ACSM3: variants seen among roughly 807,000 people sequenced by gnomAD.
ACSM3 encodes acyl-coenzyme A synthetase ACSM3, mitochondrial.
Under a neutral mutation model 74.1 loss-of-function variants are expected in ACSM3, and 61 were observed. That is an observed-to-expected ratio of 0.82 (90% CI 0.67 to 1.02). The LOEUF (loss-of-function observed/expected upper bound fraction) is 1.02. ACSM3 is among the 50% of genes least tolerant of loss of function. The pLI is 0.00. For synonymous variants in ACSM3, 213 were observed against 241.5 expected (o/e 0.88, Z 1.09); for missense variants, 660 against 697.0 (o/e 0.95, Z 0.60).
At chr16:20,784,735 G>C (rs1411773338) in intron 7 of ACSM3, 1 of 199,320 alleles carries the variant, frequency 5.0e-6, no homozygotes, top group Non-Finnish European at 1.0e-5. Flanking sequence ...AGAAAAACTA[G>C]TATTTGGGGT....
At chr16:20,768,335 C>G (rs1464933400) in intron 1 of ACSM3, among the ~76,000 whole-genome samples, 2 of 152,160 alleles carry the variant, frequency 1.3e-5, no homozygotes, top group African/African-American at 4.8e-5. Context: ...TGTATTTAAC[C>G]ATCATGCCAT....
chr16:20,762,285 G>GT (rs972551320), upstream of ACSM3, among the ~76,000 whole-genome samples: 1 of 151,732 alleles, frequency 6.6e-6, no homozygotes, highest in African/African-American at 2.4e-5. Flanking sequence ...AAAAAACACT[G>GT]TTTTTTCCCT....
At chr16:20,778,693 C>A (rs1193287849) in intron 4 of ACSM3, among the ~76,000 whole-genome samples, 1 of 152,266 alleles carries the variant, frequency 6.6e-6, no homozygotes, top group Admixed American at 6.5e-5. Flanking sequence ...GTACAACAAC[C>A]CTTCCTCAGG....
In ACSM3 at chr16:20,741,672, A is replaced by G. The variant is rs887540204; in HGVS notation, c.-189-8238A>G. 10 of 1,584,732 alleles carry G rather than the reference A, an allele frequency of 6.3e-6. No individual in the cohort carries two copies. Among genetic ancestry groups the G allele is most frequent in the Admixed American group, 1.8e-5 (1 of 55,382 alleles). ...GCAGCGCCGAGCGCGCTTGGCCAGC[A>G]CATACTGAGCCTTGCCTTTGCGCTT... On this transcript the variant is annotated intron_variant, in intron 1 of 3. Coordinates refer to the ACSM3 transcript ENST00000561584.
chr16:20,728,392 T>C (rs1216031420), intron 1 of ACSM3: 6 of 1,434,340 alleles, frequency 4.2e-6, no homozygotes, highest in Non-Finnish European at 5.8e-6. Context: ...TTCTAGATTA[T>C]AGATGAAAAT....
intron 7 of ACSM3, among the ~76,000 whole-genome samples, 176 bp from the exon 8 acceptor site, chr16:20,784,808 G>A (rs1161692436): frequency 6.6e-6 from 1 of 152,026 alleles, no homozygotes; most frequent in African/African-American, 2.4e-5. Flanking sequence ...TTTTTAATTT[G>A]TGTAGGTACT....
intron 1 of ACSM3, among the ~76,000 whole-genome samples, chr16:20,732,541 G>A (rs1469830267): frequency 6.6e-6 from 1 of 152,010 alleles, no homozygotes; most frequent in Non-Finnish European, 1.5e-5. Flanking sequence ...CAATCTCCAG[G>A]GTCCAGCTCT....
chr16:20,758,844 G>A (rs1193401985), intron 3 of ACSM3, among the ~76,000 whole-genome samples: 1 of 151,712 alleles, frequency 6.6e-6, no homozygotes, highest in African/African-American at 2.4e-5. Flanking sequence ...TGTTCTCGTT[G>A]GTTTCAAAGA....
intron 1 of ACSM3, among the ~76,000 whole-genome samples, chr16:20,720,651 G>C (rs6497516): frequency 6.6e-6 from 1 of 150,488 alleles, no homozygotes; most frequent in African/African-American, 2.4e-5. Context: ...ACATAAGAAC[G>C]GAGATCTCCA....
intron 1 of ACSM3, chr16:20,741,492 C>A (rs2079922458): frequency 1.1e-5 from 4 of 380,056 alleles, no homozygotes; most frequent in South Asian, 6.7e-5. Flanking sequence ...CCCGCCCGCC[C>A]ACCCCGGGAC....
At chr16:20,777,349 A>C in intron 3 of ACSM3, 24 bp from the exon 4 acceptor site, 1 of 1,590,790 alleles carries the variant, frequency 6.3e-7, no homozygotes, top group African/African-American at 1.3e-5. Flanking sequence ...TCTTCTAAAC[A>C]CTGTTTCTTT....
chr16:20,713,491 TA>T (rs2079750861), intron 1 of ACSM3, among the ~76,000 whole-genome samples: 1 of 151,898 alleles, frequency 6.6e-6, no homozygotes, highest in East Asian at 1.9e-4. Flanking sequence ...AGAGGATGAG[TA>T]AAAAAATACA....
chr16:20,692,764 T>C (rs1042914190), intron 1 of ACSM3, among the ~76,000 whole-genome samples: 6 of 152,192 alleles, frequency 3.9e-5, no homozygotes, highest in African/African-American at 1.4e-4. Context: ...CAGAGTCTGA[T>C]TGGAAAGTAA....
At chr16:20,685,819 C>CAAAAAAAAAAAAA (rs71842093) in intron 1 of ACSM3, among the ~76,000 whole-genome samples, 2 of 50,184 alleles carry the variant, frequency 4.0e-5, no homozygotes, top group African/African-American at 1.1e-4. Flanking sequence ...GACTCCGTCT[C>CAAAAAAAAAAAAA]AAAAAAAAAA....
Position 20,705,109 on chromosome 16 carries a change from A to G in ACSM3, c.-190+30287A>G, listed in dbSNP as rs539068306. Among the ~76,000 whole-genome samples, 6 of 152,316 alleles carry G rather than the reference A, an allele frequency of 3.9e-5. No homozygotes were observed. In the South Asian group the frequency reaches 1.0e-3, roughly 26 times the overall value. ...ACTTCAGGGCCAGGTGCGGTGGCTC[A>G]CGCCTGTAATCCCAGCACTTTGGGA... On this transcript the variant is annotated intron_variant, in intron 1 of 3. Coordinates refer to the ACSM3 transcript ENST00000561584.
chr16:20,755,072 T>G (rs1470083316), intron 2 of ACSM3, among the ~76,000 whole-genome samples: 2 of 152,094 alleles, frequency 1.3e-5, no homozygotes, highest in Non-Finnish European at 2.9e-5. Context: ...CACCCAACAA[T>G]AAGAAGAAGC....
chr16:20,736,924 G>A lies in ACSM3; in HGVS notation c.-189-12986G>A, dbSNP rs79194221. On this transcript the variant is annotated intron_variant, in intron 1 of 3. Coordinates refer to the ACSM3 transcript ENST00000561584. ...TTTGACTTGGATCCTTCTGTGGCTT[G>A]ACTTGCAAGTTCAGGTTTGGCTCCT... 4 of 1,613,628 alleles carry A rather than the reference G, an allele frequency of 2.5e-6. No individual in the cohort carries two copies. The Admixed American group carries it at 6.7e-5, about 27-fold the overall frequency.
At chr16:20,688,384 T>G (rs2079592100) in intron 1 of ACSM3, among the ~76,000 whole-genome samples, 1 of 152,070 alleles carries the variant, frequency 6.6e-6, no homozygotes, top group Non-Finnish European at 1.5e-5. Flanking sequence ...GCATAGAGGT[T>G]ATTGGAAGAA....
At chr16:20,715,455 T>C (rs568248837) in intron 1 of ACSM3, among the ~76,000 whole-genome samples, 26 of 152,186 alleles carry the variant, frequency 1.7e-4, no homozygotes, top group African/African-American at 5.3e-4. Flanking sequence ...AATACAAAAA[T>C]TAGCCATGTG....
Sources: gnomAD v4.1 joint callset for allele counts (sites outside exome capture counted in the v4.1 genomes callset) on GRCh38, gnomAD v4.1.1 for gene constraint, MANE v1.5 for transcripts, NCBI Gene and HGNC (gene_info 2026-07-23, HGNC 2026-07-21) for gene names.